Variants in TANC2 observed in about 807,000 individuals in gnomAD.
TANC2 encodes the protein tetratricopeptide repeat, ankyrin repeat and coiled-coil containing 2, also known as protein TANC2.
A neutral mutation model predicts 210.5 loss-of-function variants in TANC2; 26 were observed. The observed-to-expected ratio is 0.12, with a 90% CI of 0.09 to 0.17. The LOEUF (loss-of-function observed/expected upper bound fraction) is 0.17. Ranked by LOEUF, TANC2 falls within the 10% of genes least tolerant of loss-of-function variation. The pLI, the probability that TANC2 is intolerant of heterozygous loss-of-function variation, is 1.00. For missense variants in TANC2, 2,129 were observed against 2,608.9 expected (o/e 0.82, Z 4.01); for synonymous variants, 931 against 967.1 (o/e 0.96, Z 0.69).
chr17:63,068,598 A>G (rs1240840456), intron 2 of TANC2, among the ~76,000 whole-genome samples: 1 of 152,182 alleles, frequency 6.6e-6, no homozygotes, highest in Non-Finnish European at 1.5e-5. Flanking sequence ...ATATTCATAC[A>G]GTGGAATACT....
chr17:63,219,885 T>A (rs1228851538), intron 7 of TANC2, among the ~76,000 whole-genome samples: 1 of 152,174 alleles, frequency 6.6e-6, no homozygotes, highest in Admixed American at 6.5e-5. Context: ...AGAACAAATT[T>A]TGAAAAAGAA....
chr17:63,217,289 A>T (rs1267314767), intron 7 of TANC2, among the ~76,000 whole-genome samples: 2 of 152,334 alleles, frequency 1.3e-5, no homozygotes, highest in South Asian at 4.1e-4. Flanking sequence ...AGTAAAATCA[A>T]TAAACCTCTA....
intron 9 of TANC2, among the ~76,000 whole-genome samples, chr17:63,273,387 AAAT>A (rs777170925): frequency 2.6e-5 from 4 of 152,164 alleles, no homozygotes; most frequent in Non-Finnish European, 5.9e-5. Flanking sequence ...ACTTTGTTTA[AAAT>A]AATGTTTTAA....
At chr17:63,229,925 C>T (rs1013274847) in intron 7 of TANC2, among the ~76,000 whole-genome samples, 1 of 152,044 alleles carries the variant, frequency 6.6e-6, no homozygotes, top group Non-Finnish European at 1.5e-5. Flanking sequence ...TCCTGAGTAG[C>T]TGGGATTACA....
chr17:63,092,329 C>T (rs901540040), intron 3 of TANC2, among the ~76,000 whole-genome samples: 3 of 151,666 alleles, frequency 2.0e-5, no homozygotes, highest in Admixed American at 6.6e-5. Flanking sequence ...TTGATATTGT[C>T]ACCAGCAGTA....
In TANC2 at chr17:63,073,923, C is replaced by T; in HGVS notation, c.68-20C>T. The T allele has an allele frequency of 1.3e-6, 2 of 1,562,350 alleles. No individual in the cohort carries two copies. The highest frequency in any genetic ancestry group is 2.4e-5 in the East Asian group (1 of 41,988). ...CAATCTCATTATCTATTTGCTTATG[C>T]TCCTTTTAATTTTATGCAGATGGAG... On this transcript the variant is annotated intron_variant, in intron 2 of 27. Coordinates refer to ENST00000689528, the Ensembl canonical transcript of TANC2.
At chr17:63,141,246 A>G (rs1406890660) in intron 4 of TANC2, among the ~76,000 whole-genome samples, 1 of 151,190 alleles carries the variant, frequency 6.6e-6, no homozygotes, top group Non-Finnish European at 1.5e-5. Context: ...AAATTTAAAT[A>G]AAAGTATAAA....
chr17:62,970,436 T>C (rs2031627512), intron 1 of TANC2, among the ~76,000 whole-genome samples: 1 of 152,222 alleles, frequency 6.6e-6, no homozygotes, highest in Non-Finnish European at 1.5e-5. Context: ...CATTAATAGA[T>C]TATTTCCCTC....
At chr17:63,238,351 A>G (rs1472501445) in intron 8 of TANC2, among the ~76,000 whole-genome samples, 1 of 152,218 alleles carries the variant, frequency 6.6e-6, no homozygotes, top group African/African-American at 2.4e-5. Flanking sequence ...ATATATCATC[A>G]AACAACTAAA....
intron 8 of TANC2, among the ~76,000 whole-genome samples, chr17:63,263,898 C>T (rs1455839883): frequency 4.6e-5 from 7 of 152,116 alleles, no homozygotes; most frequent in Non-Finnish European, 1.0e-4. Flanking sequence ...GTTGAAAGAT[C>T]GACAGGTATA....
intron 18 of TANC2, among the ~76,000 whole-genome samples, chr17:63,397,376 A>G (rs557155822): frequency 1.3e-5 from 2 of 152,308 alleles, no homozygotes; most frequent in East Asian, 3.9e-4. Context: ...ATTTTTGCCA[A>G]ATTTTTAGCT....
intron 12 of TANC2, among the ~76,000 whole-genome samples, chr17:63,348,394 C>T (rs2046486622): frequency 6.6e-6 from 1 of 152,212 alleles, no homozygotes; most frequent in East Asian, 1.9e-4. Flanking sequence ...CGTGTATTTA[C>T]AAGGGATTAA....
rs1398334791 is a variant in TANC2 at position 63,378,234 on chromosome 17, A to G, written c.2583-1484A>G. ...TCTAAAAGTTTTATTGAGCATTTTT[A>G]TATGCAGTAGACTATGTTAGGCACT... On this transcript the variant is annotated intron_variant, in intron 14 of 27. Transcript: ENST00000689528. Among the ~76,000 whole-genome samples the G allele has an allele frequency of 3.3e-5, 5 of 152,312 alleles. No individual in the cohort carries two copies. In the East Asian group the frequency reaches 5.8e-4, roughly 18 times the overall value.
rs2048943001 is a variant in TANC2, at chr17:63,418,846, ATTAG to A, written c.4268+445_4268+448del. On this transcript the variant is annotated intron_variant, in intron 27 of 27. Coordinates refer to ENST00000689528, the Ensembl canonical transcript of TANC2. The surrounding 1 kb of genome is among the most constrained non-coding windows in gnomAD (Gnocchi z 4.6). ...CCCATAGGCGTTTGAGGAATCCCGG[ATTAG>A]TTAGTCTTCCCTCTGGGGCTCTCCT... Among the ~76,000 whole-genome samples, 1 of 152,118 alleles carries A rather than the reference ATTAG, an allele frequency of 6.6e-6. No homozygotes were observed. Among genetic ancestry groups the A allele is most frequent in the Non-Finnish European group, 1.5e-5 (1 of 68,018 alleles).
At chr17:63,387,583 G>T (rs1441943761) in intron 15 of TANC2, among the ~76,000 whole-genome samples, 1 of 152,170 alleles carries the variant, frequency 6.6e-6, no homozygotes, top group Non-Finnish European at 1.5e-5. Flanking sequence ...GTTTTTAAAA[G>T]AAGTACCTCC....
intron 5 of TANC2, among the ~76,000 whole-genome samples, chr17:63,184,799 G>A (rs113974171): frequency 6.6e-6 from 1 of 151,610 alleles, no homozygotes; most frequent in Admixed American, 6.6e-5. Flanking sequence ...GATTACAGGC[G>A]CCTGCCACCA....
At chr17:63,050,014 G>A (rs1384608707) in intron 2 of TANC2, among the ~76,000 whole-genome samples, 1 of 152,070 alleles carries the variant, frequency 6.6e-6, no homozygotes, top group Non-Finnish European at 1.5e-5. Context: ...GTTCCTGGAG[G>A]ACTATTAGGA....
At chr17:63,099,339 C>G (rs2037534632) in exon 4 of TANC2, 1 of 1,532,978 alleles carries the variant, frequency 6.5e-7, no homozygotes, top group African/African-American at 1.4e-5. Flanking sequence ...TCGGCTCCAG[C>G]CTGTGAAGAA....
intron 2 of TANC2, among the ~76,000 whole-genome samples, chr17:63,055,473 C>CT (rs1377345165): frequency 1.3e-5 from 2 of 151,722 alleles, no homozygotes; most frequent in Admixed American, 6.6e-5. Context: ...GCAGCTAGAT[C>CT]TTTTTTTTAT....
Sources: allele counts gnomAD v4.1 joint callset (sites outside exome capture counted in the v4.1 genomes callset), GRCh38; gene constraint gnomAD v4.1.1; non-coding constraint Gnocchi (gnomAD v3.1); transcripts MANE v1.5; gene names NCBI Gene and HGNC (gene_info 2026-07-23, HGNC 2026-07-21).